The following SYBU variants were observed in gnomAD, a reference collection of about 807,000 sequenced individuals.
SYBU encodes syntabulin.
In SYBU, 21 loss-of-function variants were observed where a neutral mutation model predicts 35.9. The ratio of observed to expected loss-of-function variants is 0.58; its 90% CI spans 0.41 to 0.84. SYBU has a LOEUF of 0.84. Among genes scored for constraint, SYBU ranks in the 40% least tolerant of loss-of-function variants. SYBU has a pLI of 0.00. For missense variants in SYBU, 768 were observed against 848.2 expected, an observed-to-expected ratio of 0.91 and a Z score of 1.17; for synonymous variants, 319 against 324.3, an observed-to-expected ratio of 0.98 and a Z score of 0.18.
At chr8:109,666,944 C>T (rs1816775674) in intron 1 of SYBU, among the ~76,000 whole-genome samples, 1 of 152,070 alleles carries the variant, frequency 6.6e-6, no homozygotes, top group South Asian at 2.1e-4. Flanking sequence ...AGCTTATCCT[C>T]TAATTTAAAT....
chr8:109,645,217 C>T (rs1323479717), upstream of SYBU: 1 of 456,752 alleles, frequency 2.2e-6, no homozygotes, highest in Non-Finnish European at 4.4e-6. Context: ...CCTCCTTGGC[C>T]TCCAGGTCTT....
chr8:109,621,516 C>T (rs573447302), intron 2 of SYBU, among the ~76,000 whole-genome samples: 16 of 152,276 alleles, frequency 1.1e-4, no homozygotes, highest in East Asian at 7.7e-4. Context: ...ACTCTCTACT[C>T]TTGTGCTTCA....
At chr8:109,645,289 C>A (rs1315546432), upstream of SYBU, 1 of 456,666 alleles carries the variant, frequency 2.2e-6, no homozygotes, top group Non-Finnish European at 4.4e-6. Context: ...CCTCTCGTAC[C>A]GGAGCCCAGC....
At chr8:109,650,869 A>C (rs1291888308) in intron 1 of SYBU, among the ~76,000 whole-genome samples, 2 of 152,244 alleles carry the variant, frequency 1.3e-5, no homozygotes, top group Non-Finnish European at 2.9e-5. Context: ...AGAAAAGAAA[A>C]AAGATACTCA....
chr8:109,658,279 A>G (rs1816430705), intron 1 of SYBU, among the ~76,000 whole-genome samples: 1 of 152,158 alleles, frequency 6.6e-6, no homozygotes, highest in African/African-American at 2.4e-5. Context: ...ACTAATATAT[A>G]TAAAGGAGGA....
chr8:109,600,029 G>A (rs956888241), intron 3 of SYBU, among the ~76,000 whole-genome samples: 1 of 152,286 alleles, frequency 6.6e-6, no homozygotes, highest in South Asian at 2.1e-4. Context: ...TCAGGAAGGG[G>A]ATTAGGTGGC....
At chr8:109,629,755 C>T (rs1425464880) in intron 2 of SYBU, among the ~76,000 whole-genome samples, 2 of 151,866 alleles carry the variant, frequency 1.3e-5, no homozygotes, top group Non-Finnish European at 2.9e-5. Flanking sequence ...GTTTACAGTC[C>T]CACCAACAGT....
chr8:109,619,242 T>G (rs1812166520), intron 2 of SYBU, among the ~76,000 whole-genome samples: 1 of 152,026 alleles, frequency 6.6e-6, no homozygotes, highest in South Asian at 2.1e-4. Context: ...TTTTTTTTTT[T>G]TGAGACAGTC....
chr8:109,685,668 T>A (rs540560608), upstream of SYBU, among the ~76,000 whole-genome samples: 229 of 152,352 alleles, frequency 1.5e-3, 1 homozygote, highest in African/African-American at 4.8e-3. Context: ...ATTCTCACAA[T>A]TATATGCATT....
chr8:109,654,532 C>G (rs905078620), intron 1 of SYBU, among the ~76,000 whole-genome samples: 3 of 152,144 alleles, frequency 2.0e-5, no homozygotes, highest in Admixed American at 6.5e-5. Context: ...CCCTTTTATT[C>G]TTTCATCCAT....
At chr8:109,639,756 C>T in intron 2 of SYBU, among the ~76,000 whole-genome samples, 1 of 151,068 alleles carries the variant, frequency 6.6e-6, no homozygotes, top group South Asian at 2.1e-4. Context: ...GTTGGAGTGG[C>T]TGGATTAAAA....
intron 1 of SYBU, among the ~76,000 whole-genome samples, chr8:109,669,157 A>T (rs1444544106): frequency 6.6e-6 from 1 of 151,856 alleles, no homozygotes; most frequent in African/African-American, 2.4e-5. Flanking sequence ...CCTGGCTAAC[A>T]CGGTGAAACC....
chr8:109,661,379 A>G (rs975773698), intron 1 of SYBU, among the ~76,000 whole-genome samples: 1 of 152,188 alleles, frequency 6.6e-6, no homozygotes, highest in Non-Finnish European at 1.5e-5. Context: ...GATACCTGTA[A>G]CCTCATTTAG....
intron 1 of SYBU, among the ~76,000 whole-genome samples, chr8:109,671,414 AAAGAGCCTTTTTC>A (rs1816976815): frequency 6.6e-6 from 1 of 152,164 alleles, no homozygotes; most frequent in African/African-American, 2.4e-5. Flanking sequence ...CCTAAACCTC[AAAGAGCCTTTTTC>A]AGTGGGGGCT....
chr8:109,580,057 G>A (rs1586727257), intron 4 of SYBU, 55 bp from the exon 5 acceptor site: 1 of 1,491,492 alleles, frequency 6.7e-7, no homozygotes, highest in East Asian at 2.3e-5. Context: ...ATGCCCAAGG[G>A]CTAATGTCTT....
At chr8:109,677,901 G>A (rs907655405) in intron 1 of SYBU, among the ~76,000 whole-genome samples, 5 of 151,968 alleles carry the variant, frequency 3.3e-5, no homozygotes, top group East Asian at 1.9e-4. Context: ...TTGGCAGGGC[G>A]AGGTGGGTGG....
chr8:109,581,107 A>G (rs927090289), intron 4 of SYBU: 5 of 152,174 alleles, frequency 3.3e-5, no homozygotes, highest in Non-Finnish European at 7.3e-5. Context: ...AACTTCTACC[A>G]TTGGACTTAT....
At chr8:109,619,587 A>G (rs1050309810) in intron 2 of SYBU, among the ~76,000 whole-genome samples, 2 of 152,130 alleles carry the variant, frequency 1.3e-5, no homozygotes, top group African/African-American at 4.8e-5. Context: ...ACATAAAGAC[A>G]TGTCTGTTTC....
chr8:109,622,320 C>G (rs1287693268), intron 2 of SYBU, among the ~76,000 whole-genome samples: 1 of 152,056 alleles, frequency 6.6e-6, no homozygotes, highest in Non-Finnish European at 1.5e-5. Flanking sequence ...CAGATGCCAC[C>G]TCCTGGGTTC....
Sources: gnomAD v4.1 joint callset for allele counts (sites outside exome capture counted in the v4.1 genomes callset) on GRCh38, gnomAD v4.1.1 for gene constraint, MANE v1.5 for transcripts, NCBI Gene and HGNC (gene_info 2026-07-23, HGNC 2026-07-21) for gene names.